Variants in CNTNAP2 observed in about 807,000 individuals in gnomAD.
CNTNAP2 encodes contactin associated protein 2, also known as contactin-associated protein-like 2.
Under a neutral mutation model 155.2 loss-of-function variants are expected in CNTNAP2, and 98 were observed. That is an observed-to-expected ratio of 0.63 (90% CI 0.54 to 0.75). The LOEUF is 0.75. Among genes scored for constraint, CNTNAP2 ranks in the 30% least tolerant of loss-of-function variants. The pLI is 0.00. For missense variants in CNTNAP2, 1,727 were observed against 1,688.1 expected (o/e 1.02, Z -0.40); for synonymous variants, 651 against 631.2 (o/e 1.03, Z -0.47).
chr7:147,779,147 T>C (rs1797630045), intron 13 of CNTNAP2, among the ~76,000 whole-genome samples: 1 of 152,152 alleles, frequency 6.6e-6, no homozygotes, highest in Non-Finnish European at 1.5e-5. Flanking sequence ...GAATAAAAAA[T>C]TCAGTGAAAG....
intron 1 of CNTNAP2, among the ~76,000 whole-genome samples, chr7:146,217,279 G>A (rs913554061): frequency 1.3e-5 from 2 of 152,296 alleles, no homozygotes; most frequent in African/African-American, 2.4e-5. Context: ...CATATGTACT[G>A]TTTCAAACAT....
intron 1 of CNTNAP2, among the ~76,000 whole-genome samples, chr7:146,486,001 A>G (rs1487848016): frequency 6.8e-6 from 1 of 147,050 alleles, no homozygotes; most frequent in Non-Finnish European, 1.5e-5. Flanking sequence ...AGTTAGTAGT[A>G]CATTCATTAC....
At chr7:147,715,139 G>T (rs1796463465) in intron 13 of CNTNAP2, among the ~76,000 whole-genome samples, 1 of 151,870 alleles carries the variant, frequency 6.6e-6, no homozygotes, top group Admixed American at 6.6e-5. Context: ...TATAAACCTT[G>T]GTTTATCAAT....
At chr7:146,318,942 C>G (rs1041391007) in intron 1 of CNTNAP2, among the ~76,000 whole-genome samples, 5 of 152,088 alleles carry the variant, frequency 3.3e-5, no homozygotes, top group Non-Finnish European at 7.3e-5. Context: ...ACAGCCAAAA[C>G]AGTCCTTGGA....
chr7:146,887,341 TG>T (rs891777010), intron 3 of CNTNAP2, among the ~76,000 whole-genome samples: 5 of 152,056 alleles, frequency 3.3e-5, no homozygotes, highest in East Asian at 1.9e-4. Flanking sequence ...TGTTTTGTTT[TG>T]TTTTTTTGTA....
intron 13 of CNTNAP2, among the ~76,000 whole-genome samples, chr7:147,825,697 T>C (rs894309224): frequency 1.3e-5 from 2 of 151,902 alleles, no homozygotes; most frequent in African/African-American, 2.4e-5. Flanking sequence ...AAAGAGAAGA[T>C]ATATATGTGC....
At chr7:146,137,138 C>T (rs1009570999) in intron 1 of CNTNAP2, among the ~76,000 whole-genome samples, 24 of 152,076 alleles carry the variant, frequency 1.6e-4, no homozygotes, top group Non-Finnish European at 2.9e-5. Flanking sequence ...ATAGAGTAGC[C>T]TTTGTCAAGT....
chr7:146,687,269 C>T (rs1800617075), intron 1 of CNTNAP2, among the ~76,000 whole-genome samples: 1 of 152,102 alleles, frequency 6.6e-6, no homozygotes, highest in South Asian at 2.1e-4. Context: ...GGAATGAAAT[C>T]TTGGCTTAGA....
chr7:147,150,669 T>C (rs1801806867), intron 8 of CNTNAP2, among the ~76,000 whole-genome samples: 1 of 152,192 alleles, frequency 6.6e-6, no homozygotes, highest in African/African-American at 2.4e-5. Flanking sequence ...AAAATATTGT[T>C]ATATACGTAT....
chr7:146,903,971 G>T (rs776669231), intron 3 of CNTNAP2, among the ~76,000 whole-genome samples: 1 of 152,010 alleles, frequency 6.6e-6, no homozygotes, highest in Non-Finnish European at 1.5e-5. Context: ...ATTGTACACC[G>T]TAAATATACA....
chr7:147,096,215 A>G (rs1800528974), intron 4 of CNTNAP2, among the ~76,000 whole-genome samples: 1 of 152,232 alleles, frequency 6.6e-6, no homozygotes, highest in Non-Finnish European at 1.5e-5. Context: ...TATGTGGCCA[A>G]GAAGACATAA....
chr7:146,752,843 C>T (rs1487525179), intron 1 of CNTNAP2, among the ~76,000 whole-genome samples: 3 of 152,076 alleles, frequency 2.0e-5, no homozygotes, highest in African/African-American at 4.8e-5. Flanking sequence ...ATATGGCTAG[C>T]CAGTTATTCT....
chr7:148,416,536 T>TTA lies in CNTNAP2; in HGVS notation c.*921_*922dup, dbSNP rs1799996199. 3.0e-3 allele frequency: 2 copies of TTA among 658 alleles called. No individual in the cohort carries two copies. The highest frequency in any genetic ancestry group is 7.9e-3 in the African/African-American group (2 of 254). 0.0% of individuals were successfully genotyped at this position (658 alleles called of 1,614,324 possible). ...TTGTTTGCTCTTTTTCTTTTATAGT[T>TTA]TAGTTATAGCAAAAATATGGATAAT... On this transcript the variant is annotated 3_prime_UTR_variant, in exon 24 of 24. Coordinates refer to ENST00000361727, the MANE Select transcript of CNTNAP2 (RefSeq NM_014141.6).
intron 1 of CNTNAP2, among the ~76,000 whole-genome samples, chr7:146,287,325 A>G (rs1156502975): frequency 6.6e-6 from 1 of 152,162 alleles, no homozygotes; most frequent in Non-Finnish European, 1.5e-5. Context: ...AGGTGTCCCC[A>G]CTGGGACATT....
intron 1 of CNTNAP2, among the ~76,000 whole-genome samples, chr7:146,130,635 C>T (rs553112626): frequency 6.6e-6 from 1 of 152,122 alleles, no homozygotes; most frequent in East Asian, 1.9e-4. Flanking sequence ...TCTAAATAAC[C>T]TTTATTTCAA....
intron 15 of CNTNAP2, among the ~76,000 whole-genome samples, chr7:147,983,137 T>C (rs1801561349): frequency 6.6e-6 from 1 of 151,980 alleles, no homozygotes. Context: ...TAACTCTCTT[T>C]CAGAAGATAA....
At chr7:146,392,877 T>C (rs768951949) in intron 1 of CNTNAP2, among the ~76,000 whole-genome samples, 1 of 152,090 alleles carries the variant, frequency 6.6e-6, no homozygotes, top group Non-Finnish European at 1.5e-5. Flanking sequence ...AAATCTTCCG[T>C]TGAAAGAAAG....
At chr7:148,259,026 A>C (rs1428417688) in intron 20 of CNTNAP2, among the ~76,000 whole-genome samples, 2 of 151,128 alleles carry the variant, frequency 1.3e-5, no homozygotes, top group Non-Finnish European at 1.5e-5. Context: ...AAATACAAAA[A>C]TTAGCTGGGC....
chr7:148,347,182 G>A (rs1301531255), intron 21 of CNTNAP2, among the ~76,000 whole-genome samples: 3 of 152,004 alleles, frequency 2.0e-5, no homozygotes, highest in Non-Finnish European at 2.9e-5. Flanking sequence ...GCCTGAACCC[G>A]GGAAGTGGAG....
Sources: allele counts gnomAD v4.1 joint callset (sites outside exome capture counted in the v4.1 genomes callset), GRCh38; gene constraint gnomAD v4.1.1; transcripts MANE v1.5; gene names NCBI Gene and HGNC (gene_info 2026-07-23, HGNC 2026-07-21).